C4orf50: variants seen among roughly 807,000 people sequenced by gnomAD.
C4orf50 encodes chromosome 4 open reading frame 50.
A neutral mutation model predicts 77.2 loss-of-function variants in C4orf50; 80 were observed. The observed-to-expected ratio is 1.04, with a 90% CI of 0.87 to 1.25. The LOEUF (loss-of-function observed/expected upper bound fraction) is 1.25. C4orf50 is among the 50% of genes most tolerant of loss of function. C4orf50 has a pLI of 0.00. For synonymous variants in C4orf50, 532 were observed against 465.3 expected (o/e 1.14, Z -1.84); for missense variants, 1,257 against 1,152.9 (o/e 1.09, Z -1.31).
At chr4:5,939,025 C>G (rs760712235) in intron 7 of C4orf50, among the ~76,000 whole-genome samples, 8 of 151,960 alleles carry the variant, frequency 5.3e-5, no homozygotes, top group Non-Finnish European at 1.0e-4. Flanking sequence ...GGGGATCACC[C>G]GAGGTCAGGA....
At chr4:5,902,857 G>A (rs1376334645) in intron 7 of C4orf50, 1 of 152,084 alleles carries the variant, frequency 6.6e-6, no homozygotes, top group African/African-American at 2.4e-5. Context: ...AAAGTTTAAG[G>A]GCTTTGTCCC....
chr4:5,944,326 A>T (rs776360767), intron 7 of C4orf50, among the ~76,000 whole-genome samples: 1 of 151,996 alleles, frequency 6.6e-6, no homozygotes, highest in African/African-American at 2.4e-5. Context: ...CAGGGGAATG[A>T]CTTGTTTATA....
chr4:5,986,417 A>G (rs1720861468), intron 28 of C4orf50, among the ~76,000 whole-genome samples: 1 of 152,246 alleles, frequency 6.6e-6, no homozygotes, highest in Non-Finnish European at 1.5e-5. Context: ...GTCAAAGAAG[A>G]AATCATAATA....
chr4:5,939,254 A>T (rs1718164848), intron 7 of C4orf50, among the ~76,000 whole-genome samples: 2 of 151,738 alleles, frequency 1.3e-5, no homozygotes, highest in Non-Finnish European at 2.9e-5. Flanking sequence ...AAAAAAAAAG[A>T]AAGAAAGAAA....
At chr4:5,971,940 C>T (rs1018114571) in intron 31 of C4orf50, among the ~76,000 whole-genome samples, 4 of 151,940 alleles carry the variant, frequency 2.6e-5, no homozygotes, top group Admixed American at 6.5e-5. Context: ...GCCAGCCAGC[C>T]GGCCTTCCAG....
chr4:6,002,271 G>A (rs891524723), intron 25 of C4orf50, among the ~76,000 whole-genome samples: 1 of 152,178 alleles, frequency 6.6e-6, no homozygotes, highest in Non-Finnish European at 1.5e-5. Flanking sequence ...AAGATTGCCA[G>A]GAGCCACCAG....
intron 7 of C4orf50, chr4:5,904,680 T>G (rs542620208): frequency 2.0e-5 from 3 of 152,318 alleles, no homozygotes; most frequent in South Asian, 2.1e-4. Flanking sequence ...AGGGTGCTTG[T>G]CTACCAATCT....
chr4:5,977,720 C>T (rs1422726326), intron 29 of C4orf50, among the ~76,000 whole-genome samples: 1 of 152,192 alleles, frequency 6.6e-6, no homozygotes, highest in African/African-American at 2.4e-5. Context: ...AAATTCCAGC[C>T]TTAAGCAGAC....
intron 7 of C4orf50, among the ~76,000 whole-genome samples, chr4:5,937,404 A>G (rs1718073127): frequency 6.6e-6 from 1 of 152,152 alleles, no homozygotes; most frequent in African/African-American, 2.4e-5. Context: ...TAATGGAAAT[A>G]TAATGTACAC....
Position 5,988,243 on chromosome 4 carries a change from T to C in C4orf50, c.3699+104A>G, listed in dbSNP as rs1430513810. 1.9e-5 allele frequency: 27 copies of C among 1,427,668 alleles called. No individual in the cohort carries two copies. The Admixed American group carries it at 5.1e-4, about 27-fold the overall frequency. The allele number at this position is 1,427,668 out of a possible 1,614,324, so 88.4% of individuals were successfully genotyped here. On this transcript the variant is annotated intron_variant, in intron 28 of 33. Transcript: ENST00000531445. Reference sequence around the variant, plus strand: ...CTCATCTGGTAAGTGGGGAGGATGATTGTACCTCCCTCACAGGACTCTGGT... The same window carrying C: ...CTCATCTGGTAAGTGGGGAGGATGACTGTACCTCCCTCACAGGACTCTGGT...
At chr4:5,989,397 G>T (rs1442947813) in exon 28 of C4orf50, 1 of 1,536,050 alleles carries the variant, frequency 6.5e-7, no homozygotes, top group Non-Finnish European at 8.7e-7. Flanking sequence ...CCAGGGCCGT[G>T]GTCTTTCCCG....
chr4:5,967,321 G>T, intron 32 of C4orf50, 93 bp downstream of exon 10: 1 of 957,262 alleles, frequency 1.0e-6, no homozygotes, highest in Non-Finnish European at 1.7e-6. Context: ...TGCGACAGTG[G>T]GCATCTCCCC....
In C4orf50 at chr4:5,970,364, G is replaced by A. The variant is rs943739213; in HGVS notation, c.4105-2902C>T. On this transcript the variant is annotated intron_variant, in intron 31 of 33. Coordinates refer to ENST00000531445, the Ensembl canonical transcript of C4orf50. This position sits in a 1 kb window ranked among gnomAD's most constrained non-coding sequence, Gnocchi z 4.3. ...GGAGGCGGCAAGACCCGTGTTCCCAGCAGAAGGAAAAGTGACCTCTGCCAT... is the reference window on the plus strand; with the variant it reads ...GGAGGCGGCAAGACCCGTGTTCCCAACAGAAGGAAAAGTGACCTCTGCCAT... Among the ~76,000 whole-genome samples, 5 of 152,188 alleles carry A rather than the reference G, an allele frequency of 3.3e-5. No homozygotes were observed. Among genetic ancestry groups the A allele is most frequent in the African/African-American group, 1.2e-4 (5 of 41,448 alleles).
intron 25 of C4orf50, among the ~76,000 whole-genome samples, chr4:6,004,027 G>GTGATAGTGA: frequency 3.2e-5 from 1 of 30,790 alleles, no homozygotes; most frequent in South Asian, 8.4e-4. Context: ...TGGTGATAAT[G>GTGATAGTGA]TGATAGTGAT....
rs1336794014 is a variant in C4orf50 at position 5,901,257 on chromosome 4, A to C, written c.*2475-3069T>G. On this transcript the variant is annotated intron_variant, in intron 7 of 7. Transcript: ENST00000324058. This position sits in a 1 kb window ranked among gnomAD's most constrained non-coding sequence, Gnocchi z 4.4. The stretch of plus-strand genomic sequence containing the variant: ...CACAGTAGGTGTATAATAAATGTGC[A>C]TTATATTAATGACATGAGTAAAGTA... 1.3e-5 allele frequency: 2 copies of C among 152,266 alleles called. No individual in the cohort carries two copies. Among genetic ancestry groups the C allele is most frequent in the Non-Finnish European group, 2.9e-5 (2 of 68,048 alleles). The allele number at this position is 152,266 out of a possible 1,614,324, so 9.4% of individuals were successfully genotyped here. A position where few individuals can be genotyped will look rare whatever the true frequency, so the allele number is the denominator to read the frequency against.
At position 6,007,025 on chromosome 4, in the gene C4orf50, A is replaced by T. The variant is rs545673373; in HGVS notation, c.963+971T>A. On this transcript the variant is annotated intron_variant, in intron 25 of 33. Transcript: ENST00000531445. This position sits in a 1 kb window ranked among gnomAD's most constrained non-coding sequence, Gnocchi z 4.1. ...TGAGTCCCATGGCACAGCATGTTGAAGATTTTGTCTAGCGCAGGGCCTGGC... is the reference window on the plus strand; with the variant it reads ...TGAGTCCCATGGCACAGCATGTTGATGATTTTGTCTAGCGCAGGGCCTGGC... Among the ~76,000 whole-genome samples, 5 of 152,326 alleles carry T rather than the reference A, an allele frequency of 3.3e-5. 1 individual carries two copies. In the South Asian group the frequency reaches 1.0e-3, roughly 32 times the overall value.
At chr4:5,990,293 T>C (rs1201532083) in exon 28 of C4orf50, 15 of 1,138,462 alleles carry the variant, frequency 1.3e-5, no homozygotes, top group Non-Finnish European at 1.6e-5. Context: ...TTCTGATGGC[T>C]TTCCTGACTT....
intron 32 of C4orf50, 27 bp from the exon 11 acceptor site, chr4:5,965,172 C>G: frequency 6.2e-7 from 1 of 1,608,324 alleles, no homozygotes; most frequent in Non-Finnish European, 8.5e-7. Flanking sequence ...TCAGTCAAGC[C>G]TCCACCCAGG....
rs6838861 is a variant in C4orf50, at chr4:6,017,139, C to T, written c.287+1006G>A. Reference sequence around the variant, plus strand: ...AGCTCCATCAGGCAAACAGTGCCCACAGCAGGAAGTTCTACAGAGAGAAAC... The same window carrying T: ...AGCTCCATCAGGCAAACAGTGCCCATAGCAGGAAGTTCTACAGAGAGAAAC... On this transcript the variant is annotated intron_variant, in intron 23 of 33. Coordinates refer to ENST00000531445, the Ensembl canonical transcript of C4orf50. The surrounding 1 kb of genome is among the most constrained non-coding windows in gnomAD (Gnocchi z 4.7). 6.6e-6 allele frequency among the ~76,000 whole-genome samples: 1 copy of T among 152,146 alleles called. No homozygotes were observed. The highest frequency in any genetic ancestry group is 1.5e-5 in the Non-Finnish European group (1 of 68,022).
Sources: allele counts gnomAD v4.1 joint callset (sites outside exome capture counted in the v4.1 genomes callset), GRCh38; gene constraint gnomAD v4.1.1; non-coding constraint Gnocchi (gnomAD v3.1); transcripts MANE v1.5; gene names NCBI Gene and HGNC (gene_info 2026-07-23, HGNC 2026-07-21).